The following PCDH15 variants were observed in gnomAD, a reference collection of about 807,000 sequenced individuals.
The protein encoded by PCDH15 is protocadherin-15.
In PCDH15, 129 loss-of-function variants were observed where a neutral mutation model predicts 178.5. The ratio of observed to expected loss-of-function variants is 0.72; its 90% confidence interval spans 0.63 to 0.84. PCDH15 has a LOEUF of 0.84. Among genes scored for constraint, PCDH15 ranks in the 40% least tolerant of loss-of-function variants. The pLI, the probability that PCDH15 is intolerant of heterozygous loss-of-function variation, is 0.00. For synonymous variants in PCDH15, 800 were observed against 732.0 expected, an observed-to-expected ratio of 1.09 and a Z score of -1.50; for missense variants, 2,230 against 2,099.9, an observed-to-expected ratio of 1.06 and a Z score of -1.21.
chr10:55,601,335 G>T (rs888937251), intron 2 of PCDH15, among the ~76,000 whole-genome samples: 3 of 152,164 alleles, frequency 2.0e-5, no homozygotes, highest in Non-Finnish European at 4.4e-5. Flanking sequence ...AGAAAGTATG[G>T]TAAGATAATT....
At chr10:55,174,387 T>A (rs1277736412) in intron 1 of PCDH15, among the ~76,000 whole-genome samples, 2 of 152,092 alleles carry the variant, frequency 1.3e-5, no homozygotes, top group African/African-American at 2.4e-5. Context: ...TCTTACCCAC[T>A]CTCTCTAGAT....
chr10:55,606,649 G>A (rs1454333703), intron 2 of PCDH15, among the ~76,000 whole-genome samples: 5 of 148,096 alleles, frequency 3.4e-5, no homozygotes, highest in African/African-American at 1.0e-4. Flanking sequence ...AATGGGGAAA[G>A]GATTCCCTAT....
intron 17 of PCDH15, among the ~76,000 whole-genome samples, chr10:54,075,605 A>AT (rs2094327776): frequency 6.6e-6 from 1 of 151,986 alleles, no homozygotes; most frequent in Non-Finnish European, 1.5e-5. Flanking sequence ...CTTTTGCCCT[A>AT]TGTTTTCTTC....
chr10:54,171,408 G>T (rs1278299486), intron 13 of PCDH15, among the ~76,000 whole-genome samples: 2 of 152,078 alleles, frequency 1.3e-5, no homozygotes, highest in Admixed American at 1.3e-4. Context: ...CATTTGAGCG[G>T]TATAGATGCT....
intron 1 of PCDH15, among the ~76,000 whole-genome samples, chr10:54,719,707 G>T (rs1198799805): frequency 6.6e-6 from 1 of 151,846 alleles, no homozygotes; most frequent in Non-Finnish European, 1.5e-5. Flanking sequence ...GCCCCGGTGT[G>T]TTTTTTTCCC....
intron 26 of PCDH15, among the ~76,000 whole-genome samples, chr10:53,882,868 A>G (rs1291046778): frequency 6.6e-6 from 1 of 151,982 alleles, no homozygotes; most frequent in African/African-American, 2.4e-5. Flanking sequence ...TAAATGGCCA[A>G]TAGTCTTTTA....
At chr10:54,911,196 T>A (rs554480052) in intron 2 of PCDH15, among the ~76,000 whole-genome samples, 5 of 152,294 alleles carry the variant, frequency 3.3e-5, no homozygotes, top group Middle Eastern at 3.4e-3. Flanking sequence ...GGTCTTCAGA[T>A]ACAGTTTCAC....
intron 2 of PCDH15, among the ~76,000 whole-genome samples, chr10:55,432,679 A>T (rs945367065): frequency 6.6e-6 from 1 of 152,164 alleles, no homozygotes; most frequent in African/African-American, 2.4e-5. Context: ...CAGAAATGTA[A>T]ATTAGTTTCA....
chr10:54,023,604 A>T (rs938797033), intron 18 of PCDH15, among the ~76,000 whole-genome samples: 4 of 148,780 alleles, frequency 2.7e-5, no homozygotes, highest in Non-Finnish European at 5.9e-5. Context: ...TATTCATTTT[A>T]TATTTATATA....
chr10:55,199,487 T>A (rs1840181556), intron 1 of PCDH15, among the ~76,000 whole-genome samples: 2 of 151,792 alleles, frequency 1.3e-5, no homozygotes, highest in South Asian at 4.1e-4. Context: ...GGGAATGAGA[T>A]CATAAAAGTT....
At chr10:55,130,663 G>A (rs1188343215) in intron 2 of PCDH15, among the ~76,000 whole-genome samples, 2 of 146,038 alleles carry the variant, frequency 1.4e-5, no homozygotes, top group African/African-American at 5.1e-5. Flanking sequence ...GGCTTAACAT[G>A]TATAAACACA....
intron 1 of PCDH15, among the ~76,000 whole-genome samples, chr10:55,216,622 A>G (rs1234253990): frequency 6.6e-6 from 1 of 151,858 alleles, no homozygotes; most frequent in African/African-American, 2.4e-5. Flanking sequence ...AAAATGATAA[A>G]TGTTTAAGGT....
At chr10:55,506,168 T>C (rs11004893) in intron 2 of PCDH15, 51,829 of 151,210 alleles carry the variant, frequency 0.34, 9,171 homozygotes, top group East Asian at 0.52. Flanking sequence ...AATAATCTAA[T>C]GTGTCCCTCC....
chr10:55,282,031 C>G (rs1263386256), intron 1 of PCDH15, among the ~76,000 whole-genome samples: 1 of 152,126 alleles, frequency 6.6e-6, no homozygotes, highest in African/African-American at 2.4e-5. Flanking sequence ...TTGACTTTGG[C>G]TAACCCTTTT....
At chr10:53,966,729 T>A (rs1203858892) in intron 21 of PCDH15, among the ~76,000 whole-genome samples, 1 of 152,018 alleles carries the variant, frequency 6.6e-6, no homozygotes, top group Non-Finnish European at 1.5e-5. Context: ...AAGTATCTTT[T>A]AATACTTTAT....
chr10:54,362,762 G>T (rs1047823779), intron 5 of PCDH15, among the ~76,000 whole-genome samples: 8 of 151,424 alleles, frequency 5.3e-5, no homozygotes, highest in Admixed American at 5.3e-4. Flanking sequence ...GAAAAGTAGG[G>T]TAAAAAAATC....
chr10:54,544,433 A>G lies in PCDH15; in HGVS notation c.92-16556T>C, dbSNP rs527380112. ...TTTTGATAGTTTGTTATCCACATGT[A>G]TAACATATGATGTGGAAAGTTTTAT... is the stretch of plus-strand genomic sequence containing the variant. On this transcript the variant is annotated intron_variant, in intron 2 of 37. Coordinates refer to ENST00000644397, the MANE Select transcript of PCDH15 (RefSeq NM_001384140.1). Among the ~76,000 whole-genome samples, 4 of 151,006 alleles carry G rather than the reference A, an allele frequency of 2.6e-5. No homozygotes were observed. The South Asian group carries it at 6.3e-4, about 24-fold the overall frequency.
At chr10:54,356,689 A>G (rs950518352) in intron 5 of PCDH15, among the ~76,000 whole-genome samples, 1 of 135,006 alleles carries the variant, frequency 7.4e-6, no homozygotes, top group African/African-American at 2.8e-5. Flanking sequence ...CATCAAAAAC[A>G]AAAAAAAAGC....
At chr10:54,411,292 A>G (rs186214137) in intron 3 of PCDH15, among the ~76,000 whole-genome samples, 29 of 152,294 alleles carry the variant, frequency 1.9e-4, no homozygotes, top group Non-Finnish European at 4.1e-4. Context: ...CCACTTCCCA[A>G]AATTTGTGCA....
Sources: allele counts gnomAD v4.1 joint callset (sites outside exome capture counted in the v4.1 genomes callset), GRCh38; gene constraint gnomAD v4.1.1; transcripts MANE v1.5; gene names NCBI Gene and HGNC (gene_info 2026-07-23, HGNC 2026-07-21).